INPP4A: variants seen among roughly 807,000 people sequenced by gnomAD.
The protein encoded by INPP4A is inositol polyphosphate-4-phosphatase, type I, 107kD.
INPP4A carries 33 observed loss-of-function variants against 119.8 expected under a neutral mutation model. The observed-to-expected ratio is 0.28, with a 90% CI of 0.21 to 0.37. INPP4A has a LOEUF of 0.37. Ranked by LOEUF, INPP4A falls within the 10% of genes least tolerant of loss-of-function variation. The pLI, the probability that INPP4A is intolerant of heterozygous loss-of-function variation, is 1.00. For synonymous variants in INPP4A, 496 were observed against 500.7 expected, an observed-to-expected ratio of 0.99 and a Z score of 0.12; for missense variants, 956 against 1,289.9, an observed-to-expected ratio of 0.74 and a Z score of 3.97.
In INPP4A at chr2:98,577,816, CT is replaced by C. The variant is rs576005129; in HGVS notation, c.2786+674del. ...GTTTCAAGCACTGCTGGGCAGCCCC[CT>C]ACCTCACATACCAAAAGAAAGGATA... is the stretch of plus-strand genomic sequence containing the variant. On this transcript the variant is annotated intron_variant, in intron 24 of 24. Transcript: ENST00000409851. 6.8e-4 allele frequency among the ~76,000 whole-genome samples: 103 copies of C among 152,294 alleles called. No individual in the cohort carries two copies. The Middle Eastern group carries it at 0.02, about 30-fold the overall frequency.
chr2:98,500,689 C>T (rs1296160554), intron 1 of INPP4A, among the ~76,000 whole-genome samples: 1 of 152,154 alleles, frequency 6.6e-6, no homozygotes, highest in African/African-American at 2.4e-5. Flanking sequence ...CTAAACCCAC[C>T]TAACAGGATT....
intron 4 of INPP4A, among the ~76,000 whole-genome samples, chr2:98,530,132 A>T (rs1321578419): frequency 2.0e-5 from 3 of 152,128 alleles, no homozygotes; most frequent in African/African-American, 7.2e-5. Flanking sequence ...AATTCTAAGG[A>T]GAAAGAAAAT....
Position 98,588,782 on chromosome 2 carries a change from T to C in INPP4A, c.*1174T>C. The C allele has an allele frequency of 4.5e-6, 1 of 222,240 alleles. No individual in the cohort carries two copies. The highest frequency in any genetic ancestry group is 9.0e-6 in the Non-Finnish European group (1 of 111,280). The allele number at this position is 222,240 out of a possible 1,614,324, so 13.8% of individuals were successfully genotyped here. A position where few individuals can be genotyped will look rare whatever the true frequency, so the allele number is the denominator to read the frequency against. On this transcript the variant is annotated 3_prime_UTR_variant, in exon 25 of 25. Coordinates refer to ENST00000409851, the MANE Select transcript of INPP4A (RefSeq NM_001134225.2). ...TCTTATCTGCACATAGCAGAGTTTG[T>C]TTCTTAGGAGTTTATATGTTTTATT...
chr2:98,523,249 A>G (rs922920903), intron 4 of INPP4A, among the ~76,000 whole-genome samples: 4 of 152,228 alleles, frequency 2.6e-5, no homozygotes, highest in African/African-American at 9.6e-5. Context: ...ATAAATCAGG[A>G]CATTTCTGAA....
At chr2:98,462,059 C>T (rs936701587) in intron 1 of INPP4A, among the ~76,000 whole-genome samples, 8 of 152,176 alleles carry the variant, frequency 5.3e-5, no homozygotes, top group South Asian at 2.1e-4. Context: ...AGCTTCTGCC[C>T]GTTTATTTCA....
At position 98,593,430 on chromosome 2, in the gene INPP4A, T is replaced by A. The variant is rs1431699386; in HGVS notation, c.*5822T>A. ...CCCTCCTCACTCTCAAATTTTATGT[T>A]GCCCACCACCTGCCACTAATGGCGT... On this transcript the variant is annotated 3_prime_UTR_variant, in exon 25 of 25. Coordinates refer to ENST00000409851, the MANE Select transcript of INPP4A (RefSeq NM_001134225.2). 2 of 152,440 alleles carry A rather than the reference T, an allele frequency of 1.3e-5. No homozygotes were observed. Among genetic ancestry groups the A allele is most frequent in the East Asian group, 3.9e-4 (2 of 5,182 alleles). The allele number at this position is 152,440 out of a possible 1,614,324, so 9.4% of individuals were successfully genotyped here. A position where few individuals can be genotyped will look rare whatever the true frequency, so the allele number is the denominator to read the frequency against.
chr2:98,532,040 G>A (rs920736365), intron 4 of INPP4A, among the ~76,000 whole-genome samples: 8 of 152,174 alleles, frequency 5.3e-5, no homozygotes, highest in African/African-American at 1.9e-4. Flanking sequence ...ACCCAAAAGA[G>A]CAGATCGAGC....
chr2:98,482,472 C>T (rs560375485), intron 1 of INPP4A, among the ~76,000 whole-genome samples: 11 of 152,350 alleles, frequency 7.2e-5, no homozygotes, highest in East Asian at 1.9e-4. Flanking sequence ...GGATTAAAAA[C>T]GAAAGCAGCC....
At chr2:98,539,705 A>G (rs369142729) in intron 10 of INPP4A, 30 bp downstream of exon 10, 6 of 1,588,320 alleles carry the variant, frequency 3.8e-6, no homozygotes, top group Non-Finnish European at 4.3e-6. Context: ...CTGACTGTCC[A>G]TCATACCCAT....
chr2:98,541,630 G>A (rs1340170302), intron 10 of INPP4A, among the ~76,000 whole-genome samples: 1 of 152,188 alleles, frequency 6.6e-6, no homozygotes, highest in Non-Finnish European at 1.5e-5. Context: ...CACCCAGGCT[G>A]GAGTGCAGTG....
intron 18 of INPP4A, among the ~76,000 whole-genome samples, chr2:98,563,839 G>A (rs1352158081): frequency 6.6e-6 from 1 of 152,026 alleles, no homozygotes; most frequent in Non-Finnish European, 1.5e-5. Context: ...GCCCATGCTT[G>A]CTTCTCCCAA....
chr2:98,448,905 G>C (rs1364486249), intron 1 of INPP4A, among the ~76,000 whole-genome samples: 1 of 152,074 alleles, frequency 6.6e-6, no homozygotes, highest in Non-Finnish European at 1.5e-5. Context: ...ATCTCACACT[G>C]TGTTGCCCAG....
At chr2:98,584,360 C>T (rs1165761882) in intron 24 of INPP4A, among the ~76,000 whole-genome samples, 1 of 152,258 alleles carries the variant, frequency 6.6e-6, no homozygotes, top group Non-Finnish European at 1.5e-5. Flanking sequence ...CGTGCACTCC[C>T]ACTTCCACAG....
At chr2:98,458,064 C>A (rs1335385127) in intron 1 of INPP4A, among the ~76,000 whole-genome samples, 1 of 151,470 alleles carries the variant, frequency 6.6e-6, no homozygotes, top group Admixed American at 6.6e-5. Flanking sequence ...AATGATCCTC[C>A]TGCCTTAACC....
At chr2:98,580,095 A>C (rs1191437480) in intron 24 of INPP4A, among the ~76,000 whole-genome samples, 1 of 152,260 alleles carries the variant, frequency 6.6e-6, no homozygotes, top group Non-Finnish European at 1.5e-5. Flanking sequence ...ACAAGCTAGC[A>C]GCTCTGGCTG....
chr2:98,501,537 G>C (rs1326739758), intron 1 of INPP4A, among the ~76,000 whole-genome samples: 1 of 151,768 alleles, frequency 6.6e-6, no homozygotes, highest in African/African-American at 2.4e-5. Context: ...AACCCCCCCA[G>C]CCCCCCATTC....
At chr2:98,585,149 A>G (rs1699816163) in intron 24 of INPP4A, among the ~76,000 whole-genome samples, 1 of 152,182 alleles carries the variant, frequency 6.6e-6, no homozygotes, top group Non-Finnish European at 1.5e-5. Context: ...ATTTACGCCT[A>G]TGGCTTGATT....
Position 98,554,560 on chromosome 2 carries a change from C to A in INPP4A, c.1566+71C>A. The A allele has an allele frequency of 7.4e-7, 1 of 1,347,460 alleles. No homozygotes were observed. The highest frequency in any genetic ancestry group is 1.0e-6 in the Non-Finnish European group (1 of 971,174). 83.5% of individuals were successfully genotyped at this position (1,347,460 alleles called of 1,614,324 possible). On this transcript the variant is annotated intron_variant, in intron 15 of 24. Transcript: ENST00000409851. This position sits in a 1 kb window ranked among gnomAD's most constrained non-coding sequence, Gnocchi z 4.7. Reference sequence around the variant, plus strand: ...GAAAACCACAAAACCTGTTGCCAGTCTCTGCCCCTCTGAAGTGCCTCAAGG... The same window carrying A: ...GAAAACCACAAAACCTGTTGCCAGTATCTGCCCCTCTGAAGTGCCTCAAGG...
chr2:98,475,920 C>CT (rs1677112262), intron 1 of INPP4A, among the ~76,000 whole-genome samples: 1 of 152,222 alleles, frequency 6.6e-6, no homozygotes, highest in African/African-American at 2.4e-5. Context: ...CACAAATGCA[C>CT]TATCTTCTCA....
Sources: allele counts gnomAD v4.1 joint callset (sites outside exome capture counted in the v4.1 genomes callset), GRCh38; gene constraint gnomAD v4.1.1; non-coding constraint Gnocchi (gnomAD v3.1); transcripts MANE v1.5; gene names NCBI Gene and HGNC (gene_info 2026-07-23, HGNC 2026-07-21).